PTPRN2: variants seen among roughly 807,000 people sequenced by gnomAD.
PTPRN2 encodes the protein protein tyrosine phosphatase receptor type N2.
Under a neutral mutation model 118.8 loss-of-function variants are expected in PTPRN2, and 74 were observed. That is an observed-to-expected ratio of 0.62 (90% CI 0.52 to 0.76). PTPRN2 has a LOEUF of 0.76. Ranked by LOEUF, PTPRN2 falls within the 30% of genes least tolerant of loss-of-function variation. The probability of loss-of-function intolerance (pLI) is 0.00; values close to 1 mark genes in which losing one functional copy is unlikely to be tolerated. For synonymous variants in PTPRN2, 641 were observed against 608.0 expected (o/e 1.05, Z -0.80); for missense variants, 1,481 against 1,394.4 (o/e 1.06, Z -0.99).
intron 12 of PTPRN2, among the ~76,000 whole-genome samples, chr7:157,699,044 C>G (rs1425602725): frequency 6.6e-6 from 1 of 152,216 alleles, no homozygotes; most frequent in East Asian, 1.9e-4. Context: ...TTTAAAATCT[C>G]TTTCACATAT....
chr7:157,643,875 G>A (rs1407072658), intron 14 of PTPRN2, among the ~76,000 whole-genome samples: 1 of 152,264 alleles, frequency 6.6e-6, no homozygotes, highest in African/African-American at 2.4e-5. Flanking sequence ...CCGGGCTGTG[G>A]CAGGTGACAG....
At chr7:158,443,802 G>C (rs2129435739) in intron 2 of PTPRN2, among the ~76,000 whole-genome samples, 1 of 152,316 alleles carries the variant, frequency 6.6e-6, no homozygotes, top group East Asian at 1.9e-4. Flanking sequence ...TACCATGTGA[G>C]GCTCTGGGGG....
chr7:157,574,959 G>A (rs145387262), intron 19 of PTPRN2, among the ~76,000 whole-genome samples: 58 of 152,328 alleles, frequency 3.8e-4, no homozygotes, highest in African/African-American at 1.3e-3. Context: ...TTTCAAAACC[G>A]TGTCTGGGGG....
At chr7:158,152,452 C>G (rs1327862363) in intron 6 of PTPRN2, among the ~76,000 whole-genome samples, 2 of 152,180 alleles carry the variant, frequency 1.3e-5, no homozygotes, top group Admixed American at 6.5e-5. Flanking sequence ...GAAGAACAGA[C>G]AGGAGGCCAA....
intron 3 of PTPRN2, among the ~76,000 whole-genome samples, chr7:158,285,773 C>CA (rs1799729780): frequency 6.6e-6 from 1 of 152,234 alleles, no homozygotes; most frequent in African/African-American, 2.4e-5. Context: ...CTAACTCCGG[C>CA]AAAACCTCAG....
intron 11 of PTPRN2, among the ~76,000 whole-genome samples, chr7:157,904,912 G>C (rs1373977989): frequency 1.3e-5 from 2 of 152,192 alleles, no homozygotes; most frequent in East Asian, 3.9e-4. Context: ...ATGCCTAAAA[G>C]GAAAAACAAT....
At chr7:158,281,228 G>A (rs1461855356) in intron 3 of PTPRN2, among the ~76,000 whole-genome samples, 2 of 152,214 alleles carry the variant, frequency 1.3e-5, no homozygotes, top group African/African-American at 2.4e-5. Flanking sequence ...GGCAGAGGTT[G>A]CAATGAGCTG....
At chr7:158,108,513 G>A (rs1815882956) in intron 10 of PTPRN2, among the ~76,000 whole-genome samples, 1 of 152,188 alleles carries the variant, frequency 6.6e-6, no homozygotes, top group Non-Finnish European at 1.5e-5. Context: ...GCCCTGGCAT[G>A]TATGGAGCCC....
chr7:158,136,103 T>A (rs1818786187), intron 8 of PTPRN2, among the ~76,000 whole-genome samples: 1 of 152,220 alleles, frequency 6.6e-6, no homozygotes. Context: ...TGGTGGACCG[T>A]CCTCTTCCTG....
chr7:158,285,747 A>G (rs1438333901), intron 3 of PTPRN2, among the ~76,000 whole-genome samples: 1 of 152,098 alleles, frequency 6.6e-6, no homozygotes, highest in East Asian at 1.9e-4. Context: ...CGGGCTGTCT[A>G]TGTCAGCTAC....
At chr7:157,710,732 T>G (rs1798568936) in intron 12 of PTPRN2, among the ~76,000 whole-genome samples, 1 of 151,976 alleles carries the variant, frequency 6.6e-6, no homozygotes, top group Non-Finnish European at 1.5e-5. Context: ...TGGGCACAGG[T>G]GCCCTTGCGC....
chr7:158,407,200 G>C (rs374307610), intron 2 of PTPRN2, among the ~76,000 whole-genome samples: 1,005 of 23,490 alleles, frequency 0.043, 25 homozygotes, highest in Non-Finnish European at 0.066. Context: ...CTGGGTCCTG[G>C]GTCCTGGGTC....
At chr7:158,462,787 G>A (rs917953562) in intron 2 of PTPRN2, among the ~76,000 whole-genome samples, 1 of 152,310 alleles carries the variant, frequency 6.6e-6, no homozygotes, top group African/African-American at 2.4e-5. Context: ...AGCTGCCTAC[G>A]ATTGTGTGGG....
intron 10 of PTPRN2, among the ~76,000 whole-genome samples, chr7:158,085,840 TGACGCCCATCCACACCCAC>T (rs1813352771): frequency 1.5e-5 from 1 of 67,678 alleles, no homozygotes; most frequent in Non-Finnish European, 2.9e-5. Context: ...TCCACACCCA[TGACGCCCATCCACACCCAC>T]GACGCCCATC....
At chr7:157,762,876 C>T (rs1052747045) in intron 12 of PTPRN2, among the ~76,000 whole-genome samples, 4 of 152,192 alleles carry the variant, frequency 2.6e-5, no homozygotes, top group Admixed American at 2.6e-4. Context: ...CCTGCGTGTC[C>T]AAGGCCCTGC....
At position 158,517,285 on chromosome 7, in the gene PTPRN2, C is replaced by G. The variant is rs1823640865; in HGVS notation, c.113-27500G>C. Reference sequence around the variant, plus strand: ...CCTGCAAGACCAAACAGCCCACAGCCTTGGAGGAGGCAGAGTGCGGGCAGC... The same window carrying G: ...CCTGCAAGACCAAACAGCCCACAGCGTTGGAGGAGGCAGAGTGCGGGCAGC... On this transcript the variant is annotated intron_variant, in intron 1 of 22. Transcript: ENST00000389418. The surrounding 1 kb of genome is among the most constrained non-coding windows in gnomAD (Gnocchi z 5.3). Among the ~76,000 whole-genome samples the G allele has an allele frequency of 6.6e-6, 1 of 152,234 alleles. No homozygotes were observed. The highest frequency in any genetic ancestry group is 6.5e-5 in the Admixed American group (1 of 15,288).
intron 2 of PTPRN2, among the ~76,000 whole-genome samples, chr7:158,440,656 G>A (rs948056917): frequency 9.0e-6 from 1 of 111,058 alleles, no homozygotes; most frequent in South Asian, 3.0e-4. Context: ...AGTAGTGATG[G>A]TGGTAGTGAT....
intron 2 of PTPRN2, among the ~76,000 whole-genome samples, chr7:158,399,161 T>C (rs1812758070): frequency 6.6e-6 from 1 of 152,214 alleles, no homozygotes; most frequent in Non-Finnish European, 1.5e-5. Context: ...GCTCTTTCAT[T>C]AGAGGCTTTC....
chr7:158,501,275 T>A (rs1311712082), intron 1 of PTPRN2, among the ~76,000 whole-genome samples: 1 of 152,072 alleles, frequency 6.6e-6, no homozygotes, highest in Non-Finnish European at 1.5e-5. Flanking sequence ...CCTCAGACCC[T>A]CTCCCCGCCC....
Sources: allele counts gnomAD v4.1 joint callset (sites outside exome capture counted in the v4.1 genomes callset), GRCh38; gene constraint gnomAD v4.1.1; non-coding constraint Gnocchi (gnomAD v3.1); transcripts MANE v1.5; gene names NCBI Gene and HGNC (gene_info 2026-07-23, HGNC 2026-07-21).